The following RBFOX1 variants were observed in gnomAD, a reference collection of about 807,000 sequenced individuals.
RBFOX1 encodes RNA binding protein fox-1 homolog 1.
In RBFOX1, 8 loss-of-function variants were observed where a neutral mutation model predicts 57.7. That is an observed-to-expected ratio of 0.14 (90% confidence interval 0.08 to 0.25). The LOEUF (loss-of-function observed/expected upper bound fraction) is 0.25, where lower values mean the gene tolerates loss of function less well. Ranked by LOEUF, RBFOX1 falls within the 10% of genes least tolerant of loss-of-function variation. RBFOX1 has a pLI of 1.00. For synonymous variants in RBFOX1, 326 were observed against 222.4 expected (o/e 1.47, Z -4.15); for missense variants, 611 against 548.5 (o/e 1.11, Z -1.14).
At chr16:6,123,976 C>T (rs558019116) in intron 1 of RBFOX1, among the ~76,000 whole-genome samples, 7 of 152,090 alleles carry the variant, frequency 4.6e-5, no homozygotes, top group East Asian at 1.9e-4. Context: ...AAGCATATAC[C>T]GCTTAAAAAA....
At chr16:5,783,432 G>C (rs944192781) in intron 3 of RBFOX1, among the ~76,000 whole-genome samples, 1 of 152,006 alleles carries the variant, frequency 6.6e-6, no homozygotes, top group South Asian at 2.1e-4. Context: ...TGTATATAGA[G>C]ATTTTTTCTT....
At chr16:7,187,397 A>G (rs558860949) in intron 4 of RBFOX1, among the ~76,000 whole-genome samples, 235 of 152,262 alleles carry the variant, frequency 1.5e-3, no homozygotes, top group African/African-American at 5.2e-3. Context: ...TGATACTATA[A>G]GAAAGCCCTT....
intron 4 of RBFOX1, among the ~76,000 whole-genome samples, chr16:5,993,542 G>A (rs2060442176): frequency 6.6e-6 from 1 of 152,086 alleles, no homozygotes; most frequent in Admixed American, 6.6e-5. Flanking sequence ...TACCCAGCAA[G>A]CATGAGTCTG....
At chr16:7,521,324 A>C (rs1265489026) in intron 5 of RBFOX1, among the ~76,000 whole-genome samples, 1 of 152,184 alleles carries the variant, frequency 6.6e-6, no homozygotes, top group Admixed American at 6.5e-5. Context: ...CATCCTACAG[A>C]CCTGGTGGGT....
intron 4 of RBFOX1, among the ~76,000 whole-genome samples, chr16:7,508,096 C>T (rs1014627843): frequency 2.6e-5 from 4 of 152,070 alleles, no homozygotes; most frequent in Admixed American, 6.5e-5. Context: ...AAGCGATTCT[C>T]GTGCCTCAGC....
At chr16:7,364,206 C>T (rs768214267) in intron 4 of RBFOX1, among the ~76,000 whole-genome samples, 2 of 152,154 alleles carry the variant, frequency 1.3e-5, no homozygotes, top group Non-Finnish European at 2.9e-5. Flanking sequence ...TACATCAGTA[C>T]CTTGGGATGT....
intron 3 of RBFOX1, among the ~76,000 whole-genome samples, chr16:6,909,374 C>G (rs994609162): frequency 6.6e-6 from 1 of 152,172 alleles, no homozygotes; most frequent in Non-Finnish European, 1.5e-5. Flanking sequence ...CCTGGATAAT[C>G]CTGGCAACTC....
rs1020620349 is a variant in RBFOX1 at position 7,065,645 on chromosome 16, A to AT, written c.27+13553dup. Among the ~76,000 whole-genome samples, 156 of 152,218 alleles carry AT rather than the reference A, an allele frequency of 1.0e-3. 1 individual carries two copies. The highest frequency in any genetic ancestry group is 3.5e-3 in the African/African-American group (147 of 41,534). ...TTGCATGACCTCACATACTTACCTT[A>AT]TTTTTTAGGGTAAGAATACTTAAAA... On this transcript the variant is annotated intron_variant, in intron 4 of 15. Transcript: ENST00000550418.
At position 7,200,815 on chromosome 16, in the gene RBFOX1, C is replaced by G. The variant is rs532744855; in HGVS notation, c.27+148717C>G. On this transcript the variant is annotated intron_variant, in intron 4 of 15. Transcript: ENST00000550418. ...GGACTAACTCATCGTGATGAAAACA[C>G]CATAGGCCCTTTCATGCTTTCTCCG... Among the ~76,000 whole-genome samples the G allele has an allele frequency of 4.6e-5, 7 of 152,254 alleles. No individual in the cohort carries two copies. The East Asian group carries it at 1.2e-3, about 25-fold the overall frequency.
rs567092199 is a variant in RBFOX1 at position 6,675,001 on chromosome 16, G to T, written c.-16+20351G>T. On this transcript the variant is annotated intron_variant, in intron 3 of 15. Transcript: ENST00000550418. Reference sequence around the variant, plus strand: ...GCTCACTGCAACCTCTGCCTCCCAGGTTCAAGCCATTCTCGTGCCTCAGCC... The same window carrying T: ...GCTCACTGCAACCTCTGCCTCCCAGTTTCAAGCCATTCTCGTGCCTCAGCC... 3.9e-5 allele frequency among the ~76,000 whole-genome samples: 6 copies of T among 152,146 alleles called. No individual in the cohort carries two copies. The East Asian group carries it at 7.8e-4, about 20-fold the overall frequency.
At chr16:6,910,054 A>C (rs1046202462) in intron 3 of RBFOX1, among the ~76,000 whole-genome samples, 16 of 152,028 alleles carry the variant, frequency 1.1e-4, no homozygotes, top group African/African-American at 3.9e-4. Flanking sequence ...ACAGGCTACA[A>C]GTCTCCTAGG....
At chr16:7,396,917 G>C (rs951078107) in intron 4 of RBFOX1, among the ~76,000 whole-genome samples, 1 of 152,072 alleles carries the variant, frequency 6.6e-6, no homozygotes. Flanking sequence ...CTCCGGCCTG[G>C]GCTATAGGGT....
At chr16:6,038,535 T>TAG (rs1306282500) in intron 1 of RBFOX1, 1 of 145,906 alleles carries the variant, frequency 6.9e-6, no homozygotes, top group Non-Finnish European at 1.5e-5. Context: ...CGTGGAGATA[T>TAG]ATATATATAT....
chr16:7,697,195 G>A (rs914731495), intron 14 of RBFOX1, among the ~76,000 whole-genome samples: 6 of 152,264 alleles, frequency 3.9e-5, no homozygotes, highest in African/African-American at 1.2e-4. Context: ...AGAGAGGGGT[G>A]ACAATGGCTT....
intron 3 of RBFOX1, among the ~76,000 whole-genome samples, chr16:5,651,087 C>A (rs1027105830): frequency 2.7e-5 from 3 of 112,544 alleles, no homozygotes; most frequent in African/African-American, 9.8e-5. Flanking sequence ...GGGTCTCACT[C>A]TGTCACCCAG....
At chr16:5,739,752 A>G (rs1432200257) in intron 3 of RBFOX1, among the ~76,000 whole-genome samples, 1 of 152,252 alleles carries the variant, frequency 6.6e-6, no homozygotes, top group Non-Finnish European at 1.5e-5. Context: ...GTAGAAGCAG[A>G]GAGCAGGGAA....
chr16:6,937,413 A>G (rs774132115), intron 3 of RBFOX1, among the ~76,000 whole-genome samples: 1 of 151,870 alleles, frequency 6.6e-6, no homozygotes, highest in Non-Finnish European at 1.5e-5. Flanking sequence ...TTTTTTTTAT[A>G]GTTTTCTATG....
chr16:7,275,743 G>A lies in RBFOX1; in HGVS notation c.27+223645G>A, dbSNP rs9936339. On this transcript the variant is annotated intron_variant, in intron 4 of 15. Transcript: ENST00000550418. ...ATTGTTTTGATGGCATATGCCACAA[G>A]CATCAAAATATCCACTTTGTGACCT... is the stretch of plus-strand genomic sequence containing the variant. 2.6e-5 allele frequency among the ~76,000 whole-genome samples: 4 copies of A among 152,328 alleles called. No homozygotes were observed. The East Asian group carries it at 5.8e-4, about 22-fold the overall frequency.
intron 1 of RBFOX1, among the ~76,000 whole-genome samples, chr16:5,391,980 C>T (rs1009611901): frequency 7.9e-5 from 12 of 151,892 alleles, no homozygotes; most frequent in African/African-American, 2.7e-4. Flanking sequence ...ATGGCATTCA[C>T]AGCGACCTGG....
Sources: allele counts gnomAD v4.1 joint callset (sites outside exome capture counted in the v4.1 genomes callset), GRCh38; gene constraint gnomAD v4.1.1; transcripts MANE v1.5; gene names NCBI Gene and HGNC (gene_info 2026-07-23, HGNC 2026-07-21).